ZNF845: variants seen among roughly 807,000 people sequenced by gnomAD.
The protein encoded by ZNF845 is zinc finger protein 845.
ZNF845 carries 59 observed loss-of-function variants against 76.1 expected under a neutral mutation model. The ratio of observed to expected loss-of-function variants is 0.78; its 90% CI spans 0.63 to 0.96. The LOEUF (loss-of-function observed/expected upper bound fraction) is 0.96. Among genes scored for constraint, ZNF845 ranks in the 40% least tolerant of loss-of-function variants. The probability of loss-of-function intolerance (pLI) is 0.00; values close to 1 mark genes in which losing one functional copy is unlikely to be tolerated. For synonymous variants in ZNF845, 361 were observed against 386.9 expected (o/e 0.93, Z 0.78); for missense variants, 1,045 against 1,172.8 (o/e 0.89, Z 1.59).
chr19:53,335,362 G>A (rs151063489), intron 1 of ZNF845, among the ~76,000 whole-genome samples: 2 of 152,288 alleles, frequency 1.3e-5, no homozygotes, highest in South Asian at 2.1e-4. Context: ...CTAGGCTCAA[G>A]CGATCCTCTT....
chr19:53,344,559 A>G (rs2085279656), intron 2 of ZNF845, among the ~76,000 whole-genome samples: 2 of 146,812 alleles, frequency 1.4e-5, no homozygotes. Context: ...AAAAGTTTCT[A>G]ACATTTCTGT....
rs1423271917 is a variant in ZNF845, at chr19:53,356,339, A to C, written c.*2751A>C. On this transcript the variant is annotated 3_prime_UTR_variant, in exon 4 of 4. Coordinates refer to ENST00000458035, the MANE Select transcript of ZNF845 (RefSeq NM_138374.3). ...GGTGACGTGAGCCTAGGGATTCAAG[A>C]CCAGCCTGGGCGACATAGGGGACCT... 1 of 152,090 alleles carries C rather than the reference A, an allele frequency of 6.6e-6. No homozygotes were observed. The highest frequency in any genetic ancestry group is 6.6e-5 in the Admixed American group (1 of 15,258). 9.4% of individuals were successfully genotyped at this position (152,090 alleles called of 1,614,324 possible). A position where few individuals can be genotyped will look rare whatever the true frequency, so the allele number is the denominator to read the frequency against.
rs779539373 is a variant in ZNF845 at position 53,346,409 on chromosome 19, A to G, written c.142+777A>G. The G allele has an allele frequency of 4.7e-5, 20 of 421,860 alleles. 1 individual carries two copies. Among genetic ancestry groups the G allele is most frequent in the South Asian group, 1.7e-4 (10 of 60,098 alleles). The allele number at this position is 421,860 out of a possible 1,614,324, so 26.1% of individuals were successfully genotyped here. ...CGTGCTCAAAAAATTCTCGTGCCCC[A>G]GTGGCTCATGCCTGTAATCCCGGCA... On this transcript the variant is annotated intron_variant, in intron 3 of 3. Coordinates refer to ENST00000458035, the MANE Select transcript of ZNF845 (RefSeq NM_138374.3).
At chr19:53,337,247 C>T (rs528040270) in intron 1 of ZNF845, 192 of 445,798 alleles carry the variant, frequency 4.3e-4, no homozygotes, top group South Asian at 3.0e-3. Flanking sequence ...CCTTTCTTCT[C>T]CTTCAGGTCT....
chr19:53,354,038 GC>G lies in ZNF845; in HGVS notation c.*451del. On this transcript the variant is annotated 3_prime_UTR_variant, in exon 4 of 4. Coordinates refer to ENST00000458035, the MANE Select transcript of ZNF845 (RefSeq NM_138374.3). ...TGATTGTGGCAAGGTCTTCAGTCTA[GC>G]TTCATCTTATGCAAAACAGGAGACT... is the stretch of plus-strand genomic sequence containing the variant. 2.1e-6 allele frequency: 1 copy of G among 477,772 alleles called. No individual in the cohort carries two copies. Among genetic ancestry groups the G allele is most frequent in the Non-Finnish European group, 4.0e-6 (1 of 251,486 alleles). 29.6% of individuals were successfully genotyped at this position (477,772 alleles called of 1,614,324 possible). A position where few individuals can be genotyped will look rare whatever the true frequency, so the allele number is the denominator to read the frequency against.
Position 53,345,534 on chromosome 19 carries a change from T to C in ZNF845, c.44T>C (p.Ile15Thr), listed in dbSNP as rs2085288458. 2 of 1,613,384 alleles carry C rather than the reference T, an allele frequency of 1.2e-6. No individual in the cohort carries two copies. Among genetic ancestry groups the C allele is most frequent in the Non-Finnish European group, 8.5e-7 (1 of 1,179,530 alleles). The change falls in exon 3 of 4, where the codon ATA becomes ACA. Residue 15 changes from isoleucine (I) to threonine (T), a missense_variant. By Grantham distance (89) the Ile-to-Thr change is moderately conservative (BLOSUM62 -1). Coordinates refer to ENST00000458035, the MANE Select transcript of ZNF845 (RefSeq NM_138374.3). ...CTATTGACATTCAGGGATGTGGCCA[T>C]AGAATTCTCTCAGGAAGAGTGGAAG... is the stretch of plus-strand genomic sequence containing the variant. ...QGLLTFRDVA[I>T]EFSQEEWKCL...
At position 53,346,808 on chromosome 19, in the gene ZNF845, T is replaced by C. The variant is rs544937427; in HGVS notation, c.142+1176T>C. ...CGTACAGTGTTTTCTCATGCTGTTTTCCTCTAAATAATAGGAAAGTTGTGT... is the reference window on the plus strand; with the variant it reads ...CGTACAGTGTTTTCTCATGCTGTTTCCCTCTAAATAATAGGAAAGTTGTGT... On this transcript the variant is annotated intron_variant, in intron 3 of 3. Transcript: ENST00000458035. Among the ~76,000 whole-genome samples the C allele has an allele frequency of 2.0e-5, 3 of 152,364 alleles. No homozygotes were observed. In the South Asian group the frequency reaches 6.2e-4, roughly 32 times the overall value.
chr19:53,336,243 C>T (rs1271813684), intron 1 of ZNF845, among the ~76,000 whole-genome samples: 1 of 149,266 alleles, frequency 6.7e-6, no homozygotes, highest in South Asian at 2.1e-4. Flanking sequence ...CAAAGCTGGG[C>T]GTGGTGGCTC....
intron 1 of ZNF845, chr19:53,340,949 G>C (rs1299860603): frequency 7.6e-6 from 3 of 396,498 alleles, no homozygotes; most frequent in Admixed American, 8.2e-5. Context: ...TCCTTCCCCA[G>C]GTCTCTGTTC....
chr19:53,351,165 G>A lies in ZNF845; in HGVS notation c.490G>A (p.Val164Ile), dbSNP rs1568740820. ...GACCGAAGGGAAAATTGGTAATCAA[G>A]TTGAGAAGTCTATCAACAGTGCTTC... ...FQTEGKIGNQ[V>I]EKSINSASLV... Residue 164 changes from valine to isoleucine, a missense_variant, in exon 4 of 4, where the codon GTT becomes ATT. Val to Ile is a conservative substitution (Grantham distance 29). Transcript: ENST00000458035. 6.2e-6 allele frequency: 10 copies of A among 1,614,090 alleles called. No individual in the cohort carries two copies. The highest frequency in any genetic ancestry group is 8.5e-6 in the Non-Finnish European group (10 of 1,180,050).
rs1286371021 is a variant in ZNF845, at chr19:53,354,915, C to A, written c.*1327C>A. 1 of 151,306 alleles carries A rather than the reference C, an allele frequency of 6.6e-6. No homozygotes were observed. The highest frequency in any genetic ancestry group is 6.6e-5 in the Admixed American group (1 of 15,168). The allele number at this position is 151,306 out of a possible 1,614,324, so 9.4% of individuals were successfully genotyped here. ...TTTTGAGACAGTCTCACTCTGTTAC[C>A]CAGGCTCTTTTCTTTTTTTTTGAGA... On this transcript the variant is annotated 3_prime_UTR_variant, in exon 4 of 4. Coordinates refer to ENST00000458035, the MANE Select transcript of ZNF845 (RefSeq NM_138374.3).
intron 3 of ZNF845, 74 bp from the exon 4 acceptor site, chr19:53,350,744 G>T: frequency 6.6e-7 from 1 of 1,517,646 alleles, no homozygotes. Context: ...TGTTTTTAGT[G>T]TCACATTTAC....
chr19:53,343,321 G>C (rs2085270269), intron 2 of ZNF845, among the ~76,000 whole-genome samples: 1 of 151,870 alleles, frequency 6.6e-6, no homozygotes, highest in Admixed American at 6.6e-5. Flanking sequence ...AAATTGACTG[G>C]ATGACCTGTG....
At chr19:53,337,245 C>T (rs2085222008) in intron 1 of ZNF845, 1 of 446,840 alleles carries the variant, frequency 2.2e-6, no homozygotes, top group Non-Finnish European at 4.5e-6. Flanking sequence ...TGCCTTTCTT[C>T]TCCTTCAGGT....
intron 1 of ZNF845, among the ~76,000 whole-genome samples, chr19:53,339,453 CCT>C (rs2085240822): frequency 6.6e-6 from 1 of 152,194 alleles, no homozygotes; most frequent in Non-Finnish European, 1.5e-5. Context: ...CCCTGCCTGT[CCT>C]TGATCCCCTC....
chr19:53,336,906 A>G (rs1452081195), intron 1 of ZNF845, among the ~76,000 whole-genome samples: 3 of 152,214 alleles, frequency 2.0e-5, no homozygotes, highest in Admixed American at 2.0e-4. Flanking sequence ...CTTTAACATC[A>G]AAATGTAGTT....
At chr19:53,345,747 A>G in intron 3 of ZNF845, 115 bp downstream of exon 3, 1 of 1,537,902 alleles carries the variant, frequency 6.5e-7, no homozygotes. Context: ...AAATGGTGTG[A>G]TCATGTCTTA....
In ZNF845 at chr19:53,356,344, C is replaced by G. The variant is rs2085385811; in HGVS notation, c.*2756C>G. The G allele has an allele frequency of 6.6e-6, 1 of 152,042 alleles. No individual in the cohort carries two copies. Among genetic ancestry groups the G allele is most frequent in the African/African-American group, 2.4e-5 (1 of 41,378 alleles). The allele number at this position is 152,042 out of a possible 1,614,324, so 9.4% of individuals were successfully genotyped here. ...CGTGAGCCTAGGGATTCAAGACCAGCCTGGGCGACATAGGGGACCTCTTCT... is the reference window on the plus strand; with the variant it reads ...CGTGAGCCTAGGGATTCAAGACCAGGCTGGGCGACATAGGGGACCTCTTCT... On this transcript the variant is annotated 3_prime_UTR_variant, in exon 4 of 4. Transcript: ENST00000458035.
chr19:53,338,983 C>G (rs568826709), intron 1 of ZNF845, among the ~76,000 whole-genome samples: 3 of 151,570 alleles, frequency 2.0e-5, no homozygotes, highest in Non-Finnish European at 4.4e-5. Flanking sequence ...ATCTGTAATC[C>G]CAGCTACTCG....
Sources: gnomAD v4.1 joint callset for allele counts (sites outside exome capture counted in the v4.1 genomes callset) on GRCh38, gnomAD v4.1.1 for gene constraint, MANE v1.5 for transcripts, NCBI Gene and HGNC (gene_info 2026-07-23, HGNC 2026-07-21) for gene names.